LGALS8: variants seen among roughly 807,000 people sequenced by gnomAD.
LGALS8 encodes the protein galectin 8.
In LGALS8, 30 loss-of-function variants were observed where a neutral mutation model predicts 35.9. The ratio of observed to expected loss-of-function variants is 0.83; its 90% CI spans 0.62 to 1.13. LGALS8 has a LOEUF of 1.13. Ranked by LOEUF, LGALS8 falls within the 50% of genes most tolerant of loss-of-function variation. The pLI is 0.00. For synonymous variants in LGALS8, 138 were observed against 136.1 expected (o/e 1.01, Z -0.10); for missense variants, 366 against 388.7 (o/e 0.94, Z 0.49).
Position 236,544,870 on chromosome 1 carries a change from G to A in LGALS8, c.759G>A (p.Glu253=), listed in dbSNP as rs1662265764. ...TTCAGGAGTCCTGGGGAGAAGAAGA[G>A]AGAAATATTACCTCTTTCCCATTTA... ...SFLQESWGEE[E]RNITSFPFSP... The change falls in exon 9 of 10, where the codon GAG becomes GAA. Residue 253 remains glutamate (E), a synonymous_variant. Coordinates refer to ENST00000366584, the MANE Select transcript of LGALS8 (RefSeq NM_201544.4). The A allele has an allele frequency of 6.2e-7, 1 of 1,613,548 alleles. No homozygotes were observed. Among genetic ancestry groups the A allele is most frequent in the Admixed American group, 1.7e-5 (1 of 59,938 alleles).
In LGALS8 at chr1:236,550,806, A is replaced by G. The variant is rs1407490424; in HGVS notation, c.*2645A>G. On this transcript the variant is annotated 3_prime_UTR_variant, in exon 10 of 10. Transcript: ENST00000366584. ...TGTAAGTAATCCAAGTAGGTGTATT[A>G]AGGCACCAAAAGTAACATGGCACCC... The G allele has an allele frequency of 3.4e-6, 3 of 880,804 alleles. No homozygotes were observed. Among genetic ancestry groups the G allele is most frequent in the Non-Finnish European group, 5.3e-6 (3 of 562,944 alleles). 54.6% of individuals were successfully genotyped at this position (880,804 alleles called of 1,614,324 possible). A position where few individuals can be genotyped will look rare whatever the true frequency, so the allele number is the denominator to read the frequency against.
Position 236,544,921 on chromosome 1 carries a change from G to T in LGALS8, c.804+6G>T, listed in dbSNP as rs1662269755. ...GTCCTGGGATGTACTTTGAGGTGAG[G>T]TTACAGTTTTTGAAAATGGGACAGC... On this transcript the variant is annotated splice_donor_region_variant and intron_variant, in intron 9 of 9. Coordinates refer to ENST00000366584, the MANE Select transcript of LGALS8 (RefSeq NM_201544.4). 6.3e-7 allele frequency: 1 copy of T among 1,598,170 alleles called. No individual in the cohort carries two copies. Among genetic ancestry groups the T allele is most frequent in the East Asian group, 2.2e-5 (1 of 44,582 alleles).
At position 236,526,598 on chromosome 1, in the gene LGALS8, C is replaced by T. The variant is rs903639526; in HGVS notation, c.45+483C>T. Among the ~76,000 whole-genome samples the T allele has an allele frequency of 2.0e-5, 3 of 152,114 alleles. No individual in the cohort carries two copies. Among genetic ancestry groups the T allele is most frequent in the Non-Finnish European group, 2.9e-5 (2 of 68,038 alleles). ...GGAGAGTGTGAAGTAGTAAGGGTCT[C>T]GTGCAGTTCAGGCAGGTCCTAGAAT... On this transcript the variant is annotated intron_variant, in intron 2 of 9. Transcript: ENST00000366584. This position sits in a 1 kb window ranked among gnomAD's most constrained non-coding sequence, Gnocchi z 4.6.
chr1:236,548,759 T>C lies in LGALS8; in HGVS notation c.*598T>C, dbSNP rs1264173304. The C allele has an allele frequency of 5.6e-6, 2 of 358,986 alleles. No homozygotes were observed. Among genetic ancestry groups the C allele is most frequent in the East Asian group, 7.4e-5 (2 of 27,132 alleles). The allele number at this position is 358,986 out of a possible 1,614,324, so 22.2% of individuals were successfully genotyped here. On this transcript the variant is annotated 3_prime_UTR_variant, in exon 10 of 10. Coordinates refer to ENST00000366584, the MANE Select transcript of LGALS8 (RefSeq NM_201544.4). ...ACCGTATCCCATCACTGAGGACTGA[T>C]GTTGACTGACATCATTTTCTTTATC...
intron 9 of LGALS8, chr1:236,545,206 G>GCTTT (rs1662288687): frequency 4.4e-6 from 1 of 228,328 alleles, no homozygotes; most frequent in Admixed American, 5.4e-5. Context: ...TCTCAGGACT[G>GCTTT]GAGTCACACA....
At chr1:236,540,841 G>C (rs1023980354) in intron 5 of LGALS8, among the ~76,000 whole-genome samples, 158 bp downstream of exon 5, 1 of 152,236 alleles carries the variant, frequency 6.6e-6, no homozygotes, top group African/African-American at 2.4e-5. Flanking sequence ...ACTAGCAGAA[G>C]GCTGTTTATC....
In LGALS8 at chr1:236,551,616, T is replaced by C. The variant is rs2540; in HGVS notation, c.*3455T>C. ...TTGCTACTAAAAGTGGACATCCTACTGCATCCTTAATGCCACTAGGCATTT... is the reference window on the plus strand; with the variant it reads ...TTGCTACTAAAAGTGGACATCCTACCGCATCCTTAATGCCACTAGGCATTT... On this transcript the variant is annotated 3_prime_UTR_variant, in exon 10 of 10. Transcript: ENST00000366584. 103,362 of 168,318 alleles carry C rather than the reference T, an allele frequency of 0.61. 32,790 individuals carry two copies. The highest frequency in any genetic ancestry group is 0.69 in the Non-Finnish European group (54,329 of 78,908). The allele number at this position is 168,318 out of a possible 1,614,324, so 10.4% of individuals were successfully genotyped here.
intron 9 of LGALS8, among the ~76,000 whole-genome samples, chr1:236,545,423 G>T (rs1379259464): frequency 5.3e-5 from 8 of 152,210 alleles, no homozygotes; most frequent in Non-Finnish European, 1.0e-4. Flanking sequence ...GGTGAATATT[G>T]TAACACATAC....
At chr1:236,543,220 A>G (rs987560405) in intron 7 of LGALS8, 3 of 644,176 alleles carry the variant, frequency 4.7e-6, no homozygotes, top group Non-Finnish European at 8.2e-6. Flanking sequence ...GTATTTCCTC[A>G]GCACCTCCCT....
chr1:236,525,184 C>T (rs977909396), intron 1 of LGALS8, among the ~76,000 whole-genome samples: 1 of 152,156 alleles, frequency 6.6e-6, no homozygotes, highest in African/African-American at 2.4e-5. Context: ...TTTTTCCCTA[C>T]TTTGATTTGT....
intron 4 of LGALS8, 57 bp downstream of exon 4, chr1:236,539,146 G>T: frequency 2.9e-6 from 4 of 1,391,748 alleles, no homozygotes; most frequent in Non-Finnish European, 4.1e-6. Context: ...GTGCACAGGG[G>T]TGCTTTTCAC....
At chr1:236,521,179 T>C (rs1167765116), upstream of LGALS8, among the ~76,000 whole-genome samples, 1 of 152,230 alleles carries the variant, frequency 6.6e-6, no homozygotes, top group Non-Finnish European at 1.5e-5. Context: ...AGGCACCTTA[T>C]ATAGTATATT....
At chr1:236,538,107 A>AAAAAAAAAAAG in intron 3 of LGALS8, among the ~76,000 whole-genome samples, 1 of 150,816 alleles carries the variant, frequency 6.6e-6, no homozygotes, top group African/African-American at 2.4e-5. Context: ...AAGAAAAAGA[A>AAAAAAAAAAAG]AAAGAATTAG....
At chr1:236,519,444 G>A (rs911614281), upstream of LGALS8, among the ~76,000 whole-genome samples, 1 of 151,880 alleles carries the variant, frequency 6.6e-6, no homozygotes, top group Non-Finnish European at 1.5e-5. Context: ...CCATATAAAT[G>A]TGGCTTCTTG....
rs558089482 is a variant in LGALS8, at chr1:236,546,976, C to G, written c.805-1036C>G. Among the ~76,000 whole-genome samples, 112 of 151,796 alleles carry G rather than the reference C, an allele frequency of 7.4e-4. 1 individual carries two copies. The highest frequency in any genetic ancestry group is 3.4e-3 in the Middle Eastern group (1 of 294). On this transcript the variant is annotated intron_variant, in intron 9 of 9. Coordinates refer to ENST00000366584, the MANE Select transcript of LGALS8 (RefSeq NM_201544.4). ...AGGACTTGGGCTGAAATTTCCTCCC[C>G]TTCCTGATTTTCCTTGACAGTCCTT... is the stretch of plus-strand genomic sequence containing the variant.
chr1:236,533,917 T>TAGCTCCCTCTGACCCTGGGTGC (rs1661299669), intron 2 of LGALS8, among the ~76,000 whole-genome samples: 1 of 148,738 alleles, frequency 6.7e-6, no homozygotes, highest in African/African-American at 2.5e-5. Context: ...ACCCCAGATG[T>TAGCTCCCTCTGACCCTGGGTGC]AGCTCCCTCT....
At position 236,544,722 on chromosome 1, in the gene LGALS8, G is replaced by GTTTTTTT; in HGVS notation, c.639-23_639-17dup. On this transcript the variant is annotated intron_variant, in intron 8 of 9. Coordinates refer to ENST00000366584, the MANE Select transcript of LGALS8 (RefSeq NM_201544.4). ...ACTCTGTCCTACTTGGTTAATTAAG[G>GTTTTTTT]TTTTTTTTTTTCTTTCTTTCTCAAA... 5 of 1,347,390 alleles carry GTTTTTTT rather than the reference G, an allele frequency of 3.7e-6. No individual in the cohort carries two copies. The Admixed American group carries it at 6.6e-5, about 18-fold the overall frequency. The allele number at this position is 1,347,390 out of a possible 1,614,324, so 83.5% of individuals were successfully genotyped here. A position where few individuals can be genotyped will look rare whatever the true frequency, so the allele number is the denominator to read the frequency against.
rs560090056 is a variant in LGALS8, at chr1:236,549,537, A to C, written c.*1376A>C. 3 of 152,224 alleles carry C rather than the reference A, an allele frequency of 2.0e-5. No individual in the cohort carries two copies. The East Asian group carries it at 5.8e-4, about 29-fold the overall frequency. The allele number at this position is 152,224 out of a possible 1,614,324, so 9.4% of individuals were successfully genotyped here. A position where few individuals can be genotyped will look rare whatever the true frequency, so the allele number is the denominator to read the frequency against. On this transcript the variant is annotated 3_prime_UTR_variant, in exon 10 of 10. Transcript: ENST00000366584. ...TACCATTGTCAATCTTATTTTTTTA[A>C]AAGTACTCAGTGTAGAAATCGCTAG...
At chr1:236,543,181 A>C in intron 7 of LGALS8, 1 of 735,420 alleles carries the variant, frequency 1.4e-6, no homozygotes, top group Non-Finnish European at 2.3e-6. Flanking sequence ...TTCGAGAGTC[A>C]ACCAGGCCTG....
Sources: gnomAD v4.1 joint callset for allele counts (sites outside exome capture counted in the v4.1 genomes callset) on GRCh38, gnomAD v4.1.1 for gene constraint, Gnocchi (gnomAD v3.1) non-coding constraint, MANE v1.5 for transcripts, NCBI Gene and HGNC (gene_info 2026-07-23, HGNC 2026-07-21) for gene names.